CSPP1: variants seen among roughly 807,000 people sequenced by gnomAD.
CSPP1 encodes the protein centrosome and spindle pole associated protein 1, also known as centrosome and spindle pole-associated protein 1.
CSPP1 carries 126 observed loss-of-function variants against 164.4 expected under a neutral mutation model. The ratio of observed to expected loss-of-function variants is 0.77; its 90% CI spans 0.66 to 0.89. The LOEUF is 0.89. Ranked by LOEUF, CSPP1 falls within the 40% of genes least tolerant of loss-of-function variation. The probability of loss-of-function intolerance (pLI) is 0.00; values close to 1 mark genes in which losing one functional copy is unlikely to be tolerated. For synonymous variants in CSPP1, 472 were observed against 476.7 expected (o/e 0.99, Z 0.13); for missense variants, 1,395 against 1,449.8 (o/e 0.96, Z 0.61).
intron 28 of CSPP1, 111 bp downstream of exon 28, chr8:67,180,037 G>T: frequency 1.9e-6 from 1 of 531,192 alleles, no homozygotes; most frequent in Non-Finnish European, 3.3e-6. Flanking sequence ...AAAAAAAAAA[G>T]GAATATTCTT....
chr8:67,113,594 A>G (rs966927480), intron 10 of CSPP1, among the ~76,000 whole-genome samples: 6 of 152,176 alleles, frequency 3.9e-5, no homozygotes, highest in Non-Finnish European at 7.4e-5. Context: ...TACATAGTCC[A>G]AGTTAGTTAC....
Position 67,163,721 on chromosome 8 carries a change from T to C in CSPP1, c.2644-11T>C, listed in dbSNP as rs1434184305. ...CATACTGAACATGTCTTTGTCATTA[T>C]TGTTGAACAGGAAAGTTCCATGTCC... is the stretch of plus-strand genomic sequence containing the variant. On this transcript the variant is annotated splice_polypyrimidine_tract_variant and intron_variant, in intron 22 of 30. Transcript: ENST00000678616. The C allele has an allele frequency of 3.1e-6, 5 of 1,606,696 alleles. No individual in the cohort carries two copies. Among genetic ancestry groups the C allele is most frequent in the Non-Finnish European group, 3.4e-6 (4 of 1,174,758 alleles).
chr8:67,183,472 ACT>A (rs1833551227), intron 28 of CSPP1, among the ~76,000 whole-genome samples: 1 of 152,252 alleles, frequency 6.6e-6, no homozygotes, highest in Admixed American at 6.5e-5. Flanking sequence ...ATGGAAATAA[ACT>A]AGAAATCAAT....
intron 3 of CSPP1, among the ~76,000 whole-genome samples, chr8:67,083,259 C>T (rs1047873962): frequency 5.3e-5 from 8 of 151,744 alleles, no homozygotes; most frequent in African/African-American, 1.2e-4. Context: ...ATAGGCCGGG[C>T]GCAGTGGCTG....
intron 21 of CSPP1, among the ~76,000 whole-genome samples, chr8:67,159,906 T>TTC (rs1491042671): frequency 2.9e-5 from 2 of 69,062 alleles, no homozygotes; most frequent in African/African-American, 1.5e-4. Context: ...CTTTCTTTCT[T>TTC]TCTTTCTTTC....
chr8:67,148,395 G>A (rs1825039675), intron 17 of CSPP1, among the ~76,000 whole-genome samples: 1 of 152,130 alleles, frequency 6.6e-6, no homozygotes, highest in Non-Finnish European at 1.5e-5. Context: ...CTCTAGTCTA[G>A]CTGGACTACT....
intron 4 of CSPP1, among the ~76,000 whole-genome samples, chr8:67,087,414 T>C (rs1409067941): frequency 6.6e-6 from 1 of 152,206 alleles, no homozygotes; most frequent in Non-Finnish European, 1.5e-5. Context: ...CAGGTATGCA[T>C]CCTGTCTTCA....
intron 1 of CSPP1, among the ~76,000 whole-genome samples, chr8:67,065,342 T>G (rs1805321300): frequency 6.6e-6 from 1 of 152,160 alleles, no homozygotes; most frequent in Non-Finnish European, 1.5e-5. Flanking sequence ...CTCTCAAGAT[T>G]GTAGGATTAA....
Position 67,164,450 on chromosome 8 carries a change from G to C in CSPP1, c.2770G>C (p.Glu924Gln). The C allele has an allele frequency of 1.2e-6, 2 of 1,609,080 alleles. No individual in the cohort carries two copies. The highest frequency in any genetic ancestry group is 1.7e-6 in the Non-Finnish European group (2 of 1,175,600). Reference sequence around the variant, plus strand: ...AATGAGAAAACAGCTTCGTAGTGAAGAGAGGCGTCTACAAGAGCGATTGCT... The same window carrying C: ...AATGAGAAAACAGCTTCGTAGTGAACAGAGGCGTCTACAAGAGCGATTGCT... ...SEMRKQLRSEERRLQERLLHM... is the reference protein window; with the variant it reads ...SEMRKQLRSEQRRLQERLLHM... Residue 924 changes from glutamate to glutamine, a missense_variant, in exon 24 of 31, where the codon GAG becomes CAG. Coordinates refer to ENST00000678616, the MANE Select transcript of CSPP1 (RefSeq NM_001382391.1).
intron 28 of CSPP1, among the ~76,000 whole-genome samples, chr8:67,182,269 A>C (rs1273332330): frequency 8.6e-5 from 13 of 151,964 alleles, no homozygotes; most frequent in Admixed American, 8.5e-4. Flanking sequence ...CAAAGTGCCA[A>C]AGTGCTGAGA....
At chr8:67,163,887 G>A (rs1828833792) in intron 23 of CSPP1, 89 bp downstream of exon 23, 1 of 1,082,010 alleles carries the variant, frequency 9.2e-7, no homozygotes. Context: ...GAAAATTGCA[G>A]AAACAGTATA....
In CSPP1 at chr8:67,101,883, A is replaced by G. The variant is rs556323681; in HGVS notation, c.924-1154A>G. 1.1e-3 allele frequency among the ~76,000 whole-genome samples: 165 copies of G among 152,246 alleles called. 1 individual carries two copies. The highest frequency in any genetic ancestry group is 3.9e-3 in the African/African-American group (162 of 41,560). On this transcript the variant is annotated intron_variant, in intron 7 of 30. Transcript: ENST00000678616. Reference sequence around the variant, plus strand: ...TGTAATAGTCCTCTTGAGAAAGACAATATAGTTGGGTAACTCAACAGCCAT... The same window carrying G: ...TGTAATAGTCCTCTTGAGAAAGACAGTATAGTTGGGTAACTCAACAGCCAT...
chr8:67,094,993 T>C (rs1207393115), intron 6 of CSPP1, among the ~76,000 whole-genome samples: 2 of 152,224 alleles, frequency 1.3e-5, no homozygotes, highest in African/African-American at 4.8e-5. Context: ...TCATTTGTGT[T>C]GTTGAATGTA....
intron 1 of CSPP1, chr8:67,069,177 T>C (rs1437809204): frequency 6.6e-6 from 1 of 152,230 alleles, no homozygotes; most frequent in African/African-American, 2.4e-5. Context: ...CCAACTTAAC[T>C]GTGGTAGTTT....
At chr8:67,149,745 G>A (rs756148991) in intron 17 of CSPP1, 38 bp from the exon 18 acceptor site, 2 of 1,404,096 alleles carry the variant, frequency 1.4e-6, no homozygotes, top group Admixed American at 2.7e-5. Flanking sequence ...TTACAGAAAT[G>A]TGTTTATTGA....
rs1359320863 is a variant in CSPP1, at chr8:67,131,816, C to A, written c.1698-135C>A. Reference sequence around the variant, plus strand: ...TAAGGAAGGGGTCACTTAAGGATTCCTCTTTGGCCTATAGAGAAATATCCT... The same window carrying A: ...TAAGGAAGGGGTCACTTAAGGATTCATCTTTGGCCTATAGAGAAATATCCT... On this transcript the variant is annotated intron_variant, in intron 15 of 30. Coordinates refer to ENST00000678616, the MANE Select transcript of CSPP1 (RefSeq NM_001382391.1). 8.3e-6 allele frequency: 6 copies of A among 724,332 alleles called. No homozygotes were observed. The African/African-American group carries it at 1.1e-4, about 13-fold the overall frequency. 44.9% of individuals were successfully genotyped at this position (724,332 alleles called of 1,614,324 possible).
At chr8:67,092,552 A>T (rs62513084) in intron 5 of CSPP1, among the ~76,000 whole-genome samples, 11 of 151,992 alleles carry the variant, frequency 7.2e-5, no homozygotes, top group Non-Finnish European at 1.5e-4. Context: ...ATTCTCCTGC[A>T]TCAGCCTCCT....
rs539355393 is a variant in CSPP1, at chr8:67,170,601, A to G, written c.2829-1815A>G. On this transcript the variant is annotated intron_variant, in intron 24 of 30. Transcript: ENST00000678616. ...AATCTCAGTTTCTCTGACCTCAAAG[A>G]CTGTGATCTTCATACTCCATGAACA... Among the ~76,000 whole-genome samples, 4 of 152,288 alleles carry G rather than the reference A, an allele frequency of 2.6e-5. 1 individual carries two copies. In the South Asian group the frequency reaches 8.3e-4, roughly 32 times the overall value.
intron 16 of CSPP1, among the ~76,000 whole-genome samples, chr8:67,133,320 G>T (rs970136342): frequency 6.6e-6 from 1 of 152,164 alleles, no homozygotes; most frequent in African/African-American, 2.4e-5. Context: ...GAATGCATTT[G>T]TTTTTTGTGC....
Sources: gnomAD v4.1 joint callset for allele counts (sites outside exome capture counted in the v4.1 genomes callset) on GRCh38, gnomAD v4.1.1 for gene constraint, MANE v1.5 for transcripts, NCBI Gene and HGNC (gene_info 2026-07-23, HGNC 2026-07-21) for gene names.